The following CLVS1 variants were observed in gnomAD, a reference collection of about 807,000 sequenced individuals.
CLVS1 encodes the protein clavesin-1.
A neutral mutation model predicts 33.1 loss-of-function variants in CLVS1; 10 were observed. The observed-to-expected ratio is 0.30, with a 90% CI of 0.19 to 0.51. CLVS1 has a LOEUF of 0.51. Ranked by LOEUF, CLVS1 falls within the 20% of genes least tolerant of loss-of-function variation. CLVS1 has a pLI of 0.97. For missense variants in CLVS1, 343 were observed against 433.4 expected (o/e 0.79, Z 1.85); for synonymous variants, 163 against 166.1 (o/e 0.98, Z 0.14).
chr8:61,207,003 T>C (rs1270812259), intron 2 of CLVS1, among the ~76,000 whole-genome samples: 1 of 152,226 alleles, frequency 6.6e-6, no homozygotes, highest in Non-Finnish European at 1.5e-5. Context: ...ACACAAGGCC[T>C]GGCCCATCTC....
intron 2 of CLVS1, among the ~76,000 whole-genome samples, chr8:61,263,266 C>A (rs1193135590): frequency 2.6e-5 from 4 of 152,150 alleles, no homozygotes; most frequent in African/African-American, 9.7e-5. Context: ...CTATTTTTTA[C>A]CCCCATGCTT....
At chr8:61,215,113 T>A (rs980050228) in intron 2 of CLVS1, among the ~76,000 whole-genome samples, 11 of 152,194 alleles carry the variant, frequency 7.2e-5, no homozygotes, top group Admixed American at 2.0e-4. Flanking sequence ...CCTAACCACT[T>A]ATCTTCTGAA....
intron 5 of CLVS1, among the ~76,000 whole-genome samples, chr8:61,494,108 T>C (rs1353724758): frequency 6.6e-6 from 1 of 152,226 alleles, no homozygotes; most frequent in Non-Finnish European, 1.5e-5. Flanking sequence ...GTTGTAGGTC[T>C]GTGCAGAATG....
chr8:61,357,482 C>T (rs77535267), intron 2 of CLVS1, among the ~76,000 whole-genome samples: 8 of 91,784 alleles, frequency 8.7e-5, no homozygotes, highest in Non-Finnish European at 2.0e-4. Flanking sequence ...CTTTTTCTTT[C>T]CTTTTTCTTT....
intron 2 of CLVS1, among the ~76,000 whole-genome samples, chr8:61,238,585 A>T (rs1808620057): frequency 6.6e-6 from 1 of 152,154 alleles, no homozygotes. Context: ...TCTGCTTCTC[A>T]ATTCAAGTGA....
chr8:61,395,664 A>T (rs545341980), intron 3 of CLVS1, among the ~76,000 whole-genome samples: 227 of 152,264 alleles, frequency 1.5e-3, no homozygotes, highest in Non-Finnish European at 2.5e-3. Flanking sequence ...CTGATTCTGT[A>T]GTGTTGGGGT....
At chr8:61,033,126 G>GGAAAGAAAGAAAGAAA in the CLVS1 span, among the ~76,000 whole-genome samples, 153 of 68,772 alleles carry the variant, frequency 2.2e-3, 6 homozygotes, top group Middle Eastern at 8.1e-3. Flanking sequence ...AAGGAAGAAA[G>GGAAAGAAAGAAAGAAA]GAAAGAAAGA....
At chr8:61,040,095 C>G in the CLVS1 span, among the ~76,000 whole-genome samples, 1 of 152,214 alleles carries the variant, frequency 6.6e-6, no homozygotes, top group African/African-American at 2.4e-5. Context: ...ACATGCAGTA[C>G]TTGGTTTTCC....
the CLVS1 span, among the ~76,000 whole-genome samples, chr8:61,048,038 A>C: frequency 2.0e-5 from 3 of 152,218 alleles, no homozygotes; most frequent in African/African-American, 7.2e-5. Context: ...GATCATCATG[A>C]GGCAGTTGGA....
chr8:61,189,490 AT>A (rs1168955299), intron 2 of CLVS1, among the ~76,000 whole-genome samples: 2 of 152,240 alleles, frequency 1.3e-5, no homozygotes, highest in Non-Finnish European at 2.9e-5. Context: ...ACCAGCTAAC[AT>A]CATAATGACA....
At chr8:61,152,915 C>T (rs781744133) in intron 2 of CLVS1, among the ~76,000 whole-genome samples, 9 of 152,136 alleles carry the variant, frequency 5.9e-5, no homozygotes, top group Non-Finnish European at 1.2e-4. Flanking sequence ...TGCCTCACAC[C>T]TGTAATCCAA....
At chr8:61,183,640 GC>G (rs1337054523) in intron 2 of CLVS1, among the ~76,000 whole-genome samples, 1 of 152,084 alleles carries the variant, frequency 6.6e-6, no homozygotes, top group Non-Finnish European at 1.5e-5. Context: ...CACACTAATA[GC>G]CCCCAAGGAA....
At chr8:61,075,045 T>C (rs1287876564) in intron 1 of CLVS1, among the ~76,000 whole-genome samples, 1 of 152,154 alleles carries the variant, frequency 6.6e-6, no homozygotes, top group African/African-American at 2.4e-5. Context: ...ACAGTTTCTA[T>C]GATCCTGCTC....
In CLVS1 at chr8:61,120,134, C is replaced by T. The variant is rs1247274344; in HGVS notation, c.-242-11636C>T. ...TCATTTCATTCATTTCATCTTCCAT[C>T]GCTGATACCCTTTCTTCCAGTTGAT... On this transcript the variant is annotated intron_variant, in intron 1 of 2. Coordinates refer to the CLVS1 transcript ENST00000522621. Among the ~76,000 whole-genome samples the T allele has an allele frequency of 3.9e-3, 571 of 146,502 alleles. 3 individuals carry two copies. Among genetic ancestry groups the T allele is most frequent in the Non-Finnish European group, 5.2e-3 (346 of 66,144 alleles).
intron 2 of CLVS1, among the ~76,000 whole-genome samples, chr8:61,335,179 T>C (rs1811752752): frequency 6.6e-6 from 1 of 152,188 alleles, no homozygotes; most frequent in African/African-American, 2.4e-5. Context: ...AGAAGTAGTT[T>C]AGGGAGAGTC....
intron 2 of CLVS1, among the ~76,000 whole-genome samples, chr8:61,280,243 T>G (rs1482743735): frequency 3.9e-5 from 6 of 152,354 alleles, no homozygotes; most frequent in African/African-American, 1.4e-4. Context: ...TATTTTATCA[T>G]AAGTTTTATA....
chr8:61,155,321 C>A (rs78853945), intron 2 of CLVS1, among the ~76,000 whole-genome samples: 5,187 of 152,240 alleles, frequency 0.034, 97 homozygotes, highest in Middle Eastern at 0.041. Flanking sequence ...GACAAACAAC[C>A]CGCAAGAAAA....
At chr8:61,364,067 C>T (rs1008427597) in intron 2 of CLVS1, among the ~76,000 whole-genome samples, 5 of 152,238 alleles carry the variant, frequency 3.3e-5, no homozygotes, top group African/African-American at 9.6e-5. Context: ...TAATCACATA[C>T]TCACTTCTAG....
intron 2 of CLVS1, among the ~76,000 whole-genome samples, chr8:61,356,047 C>A: frequency 6.6e-6 from 1 of 152,026 alleles, no homozygotes; most frequent in East Asian, 1.9e-4. Context: ...AAAAGTGTTC[C>A]TATTTCTCCA....
Sources: allele counts gnomAD v4.1 joint callset (sites outside exome capture counted in the v4.1 genomes callset), GRCh38; gene constraint gnomAD v4.1.1; transcripts MANE v1.5; gene names NCBI Gene and HGNC (gene_info 2026-07-23, HGNC 2026-07-21).